SV2C: variants seen among roughly 807,000 people sequenced by gnomAD.
The protein encoded by SV2C is solute carrier family 22 member B3.
In SV2C, 49 loss-of-function variants were observed where a neutral mutation model predicts 79.7. The observed-to-expected ratio is 0.61, with a 90% CI of 0.49 to 0.78. The LOEUF (loss-of-function observed/expected upper bound fraction) is 0.78, where lower values mean the gene tolerates loss of function less well. Ranked by LOEUF, SV2C falls within the 30% of genes least tolerant of loss-of-function variation. SV2C has a pLI of 0.00. For missense variants in SV2C, 833 were observed against 912.9 expected, an observed-to-expected ratio of 0.91 and a Z score of 1.13; for synonymous variants, 334 against 333.2, an observed-to-expected ratio of 1.00 and a Z score of -0.03.
chr5:76,325,972 G>C lies in SV2C; in HGVS notation c.*425G>C, dbSNP rs147207407. 7.1e-4 allele frequency: 105 copies of C among 148,900 alleles called. 2 individuals carry two copies. The East Asian group carries it at 0.02, about 29-fold the overall frequency. The allele number at this position is 148,900 out of a possible 1,614,324, so 9.2% of individuals were successfully genotyped here. ...TTATTGCATTTGTGCTGAGAAGAGG[G>C]ATTCTTTTTTTTTTTTTTTCTAACA... On this transcript the variant is annotated 3_prime_UTR_variant, in exon 13 of 13. Coordinates refer to ENST00000502798, the MANE Select transcript of SV2C (RefSeq NM_014979.4).
chr5:75,961,230 T>G, the SV2C span, among the ~76,000 whole-genome samples: 2 of 152,044 alleles, frequency 1.3e-5, no homozygotes, highest in African/African-American at 4.8e-5. Context: ...ATTTAATTAT[T>G]TTTTTGCATA....
At chr5:75,985,562 C>T in the SV2C span, among the ~76,000 whole-genome samples, 2 of 151,926 alleles carry the variant, frequency 1.3e-5, no homozygotes, top group Admixed American at 1.3e-4. Flanking sequence ...AATATACAAA[C>T]ATAAGCTGCT....
chr5:76,247,337 C>T (rs564731434), intron 4 of SV2C, among the ~76,000 whole-genome samples: 133 of 152,174 alleles, frequency 8.7e-4, no homozygotes, highest in Non-Finnish European at 1.7e-3. Context: ...AATGCTTTCC[C>T]GTGGCCATAT....
chr5:75,899,265 T>G, the SV2C span, among the ~76,000 whole-genome samples: 5 of 152,258 alleles, frequency 3.3e-5, no homozygotes, highest in African/African-American at 7.2e-5. Flanking sequence ...TCTGGTATGT[T>G]GTGTCTTTGT....
intron 5 of SV2C, 180 bp downstream of exon 5, chr5:76,285,475 C>G (rs551402882): frequency 3.6e-6 from 3 of 837,196 alleles, no homozygotes; most frequent in Non-Finnish European, 5.3e-6. Flanking sequence ...AAAAAGCTGC[C>G]TCATGGCTAG....
intron 2 of SV2C, among the ~76,000 whole-genome samples, chr5:76,139,054 G>A (rs1311571297): frequency 6.6e-6 from 1 of 152,070 alleles, no homozygotes; most frequent in African/African-American, 2.4e-5. Context: ...GGGAGGCAGA[G>A]GTTGCAGTGA....
chr5:76,254,931 C>T (rs1459922331), intron 4 of SV2C, among the ~76,000 whole-genome samples: 1 of 152,154 alleles, frequency 6.6e-6, no homozygotes, highest in African/African-American at 2.4e-5. Flanking sequence ...ACAAATGAGA[C>T]TCTAAGTGTT....
chr5:76,081,416 A>G (rs929995772), upstream of SV2C, among the ~76,000 whole-genome samples: 2 of 152,170 alleles, frequency 1.3e-5, no homozygotes, highest in Non-Finnish European at 2.9e-5. Flanking sequence ...TCCAGATAGG[A>G]TTTATTTTTT....
chr5:76,160,498 C>G (rs1249705390), intron 2 of SV2C, among the ~76,000 whole-genome samples: 2 of 152,144 alleles, frequency 1.3e-5, no homozygotes, highest in Admixed American at 6.6e-5. Context: ...GCAAAGGATT[C>G]TTAAATATGA....
rs181194727 is a variant in SV2C at position 76,152,437 on chromosome 5, G to A, written c.580+20107G>A. Among the ~76,000 whole-genome samples, 15 of 152,254 alleles carry A rather than the reference G, an allele frequency of 9.9e-5. No homozygotes were observed. The East Asian group carries it at 1.4e-3, about 14-fold the overall frequency. ...TTAAGTGCCAGTAATCACATCCAGG[G>A]TATGTATATATAGGAGATACGTTGG... is the stretch of plus-strand genomic sequence containing the variant. On this transcript the variant is annotated intron_variant, in intron 2 of 12. Transcript: ENST00000502798.
the SV2C span, among the ~76,000 whole-genome samples, chr5:75,871,548 G>A: frequency 3.3e-5 from 5 of 152,132 alleles, no homozygotes; most frequent in African/African-American, 4.8e-5. Context: ...AGTGGCTCAT[G>A]CCTGTAATCC....
intron 4 of SV2C, among the ~76,000 whole-genome samples, chr5:76,262,102 A>G (rs1274865975): frequency 6.6e-6 from 1 of 152,156 alleles, no homozygotes; most frequent in Non-Finnish European, 1.5e-5. Flanking sequence ...TAGACTATTA[A>G]TTACTGCCTC....
chr5:76,236,568 AT>A (rs761739701), intron 4 of SV2C, among the ~76,000 whole-genome samples: 7 of 127,056 alleles, frequency 5.5e-5, no homozygotes, highest in African/African-American at 2.7e-4. Flanking sequence ...TATCAAAAAA[AT>A]AAAATAAAAT....
chr5:75,857,977 A>T, the SV2C span, among the ~76,000 whole-genome samples: 3,730 of 152,276 alleles, frequency 0.024, 158 homozygotes, highest in African/African-American at 0.085. Context: ...CTTTACTGAT[A>T]TTTAATTAGT....
the SV2C span, among the ~76,000 whole-genome samples, chr5:75,916,178 A>G: frequency 4.6e-5 from 7 of 152,204 alleles, no homozygotes; most frequent in Non-Finnish European, 8.8e-5. Flanking sequence ...ATTGCAGAAG[A>G]TGCTTCTTTT....
At chr5:76,313,001 G>A (rs1748505962) in intron 12 of SV2C, among the ~76,000 whole-genome samples, 1 of 152,176 alleles carries the variant, frequency 6.6e-6, no homozygotes, top group East Asian at 1.9e-4. Context: ...AGTTCCGAAG[G>A]TCTGTCATCT....
chr5:76,237,991 C>CACACACAT lies in SV2C; in HGVS notation c.913+28105_913+28106insCACACATA, dbSNP rs771109241. ...ACTAACACACACACACACACACACACATACATACATACATACATATACACA... is the reference window on the plus strand; with the variant it reads ...ACTAACACACACACACACACACACACACACACATATACATACATACATACATATACACA... On this transcript the variant is annotated intron_variant, in intron 4 of 12. Transcript: ENST00000502798. Among the ~76,000 whole-genome samples, 712 of 118,136 alleles carry CACACACAT rather than the reference C, an allele frequency of 6.0e-3. 4 individuals carry two copies. The highest frequency in any genetic ancestry group is 7.9e-3 in the Non-Finnish European group (512 of 64,710). 77.5% of individuals were successfully genotyped at this position (118,136 alleles called of 152,430 possible).
chr5:76,024,686 C>T, the SV2C span, among the ~76,000 whole-genome samples: 1 of 152,024 alleles, frequency 6.6e-6, no homozygotes, highest in South Asian at 2.1e-4. Context: ...ATATTGTGCC[C>T]CAGTGTGTGT....
chr5:75,998,450 T>C, the SV2C span, among the ~76,000 whole-genome samples: 1 of 152,270 alleles, frequency 6.6e-6, no homozygotes, highest in South Asian at 2.1e-4. Context: ...CCTGAAGTCA[T>C]GCAGTGGAAG....
Sources: gnomAD v4.1 joint callset for allele counts (sites outside exome capture counted in the v4.1 genomes callset) on GRCh38, gnomAD v4.1.1 for gene constraint, MANE v1.5 for transcripts, NCBI Gene and HGNC (gene_info 2026-07-23, HGNC 2026-07-21) for gene names.